DLG1: variants seen among roughly 807,000 people sequenced by gnomAD.
DLG1 encodes discs large MAGUK scaffold protein 1.
In DLG1, 42 loss-of-function variants were observed where a neutral mutation model predicts 123.4. The observed-to-expected ratio is 0.34, with a 90% confidence interval of 0.27 to 0.44. DLG1 has a LOEUF of 0.44. Ranked by LOEUF, DLG1 falls within the 20% of genes least tolerant of loss-of-function variation. The pLI is 1.00. For missense variants in DLG1, 942 were observed against 1,082.6 expected (o/e 0.87, Z 1.82); for synonymous variants, 317 against 356.2 (o/e 0.89, Z 1.24).
At chr3:197,235,554 G>A (rs1745537938) in intron 4 of DLG1, among the ~76,000 whole-genome samples, 1 of 152,202 alleles carries the variant, frequency 6.6e-6, no homozygotes, top group Admixed American at 6.5e-5. Flanking sequence ...TCAAGCCTTA[G>A]CATTAAGGCT....
At chr3:197,230,635 T>C (rs1258557461) in intron 4 of DLG1, among the ~76,000 whole-genome samples, 1 of 152,206 alleles carries the variant, frequency 6.6e-6, no homozygotes. Flanking sequence ...AATTCCTAGA[T>C]GATTTTGACA....
At chr3:197,249,446 C>T (rs949221437) in intron 4 of DLG1, among the ~76,000 whole-genome samples, 5 of 150,568 alleles carry the variant, frequency 3.3e-5, no homozygotes, top group African/African-American at 1.2e-4. Context: ...AAAAATAAAA[C>T]AAAAAATTAA....
chr3:197,214,788 G>A (rs191568751), intron 4 of DLG1, among the ~76,000 whole-genome samples: 2 of 152,228 alleles, frequency 1.3e-5, no homozygotes, highest in Non-Finnish European at 2.9e-5. Flanking sequence ...AAAGAAAAAT[G>A]AGCAAGACAC....
At chr3:197,188,336 A>G (rs906953161) in intron 5 of DLG1, among the ~76,000 whole-genome samples, 1 of 152,164 alleles carries the variant, frequency 6.6e-6, no homozygotes, top group African/African-American at 2.4e-5. Flanking sequence ...AGAAAACTCC[A>G]AGAATTTAAT....
At chr3:197,191,095 T>G (rs1258557864) in intron 5 of DLG1, among the ~76,000 whole-genome samples, 1 of 152,166 alleles carries the variant, frequency 6.6e-6, no homozygotes, top group East Asian at 1.9e-4. Flanking sequence ...CCAATTATAA[T>G]GAAGTAGGTT....
At chr3:197,211,903 TG>T (rs1731433973) in intron 4 of DLG1, among the ~76,000 whole-genome samples, 1 of 146,708 alleles carries the variant, frequency 6.8e-6, no homozygotes, top group African/African-American at 2.4e-5. Flanking sequence ...TGGGATACCA[TG>T]CAGCCCTGAA....
chr3:197,251,950 T>G (rs1754645893), intron 4 of DLG1, among the ~76,000 whole-genome samples: 1 of 152,340 alleles, frequency 6.6e-6, no homozygotes, highest in African/African-American at 2.4e-5. Context: ...CACTAATTGT[T>G]AGAAGATCTT....
intron 13 of DLG1, among the ~76,000 whole-genome samples, chr3:197,112,782 G>A (rs1298534758): frequency 6.6e-6 from 1 of 151,968 alleles, no homozygotes; most frequent in Admixed American, 6.6e-5. Flanking sequence ...TTTTTTTAAA[G>A]ATGGGGTCTT....
chr3:197,223,712 T>A (rs1244350534), intron 4 of DLG1, among the ~76,000 whole-genome samples: 1 of 152,234 alleles, frequency 6.6e-6, no homozygotes, highest in African/African-American at 2.4e-5. Context: ...AAGATGTGTT[T>A]ACCCTTATTG....
At chr3:197,295,993 C>T (rs1041232182) in intron 3 of DLG1, among the ~76,000 whole-genome samples, 1 of 152,214 alleles carries the variant, frequency 6.6e-6, no homozygotes, top group Non-Finnish European at 1.5e-5. Flanking sequence ...GAACCCTTCA[C>T]ACGCTTTCAA....
chr3:197,061,992 A>G (rs747599607), intron 22 of DLG1, among the ~76,000 whole-genome samples: 1 of 152,120 alleles, frequency 6.6e-6, no homozygotes, highest in Non-Finnish European at 1.5e-5. Flanking sequence ...AATTACCACC[A>G]TGCGGTTTTC....
At chr3:197,117,538 G>C (rs1773975368) in intron 12 of DLG1, among the ~76,000 whole-genome samples, 1 of 152,156 alleles carries the variant, frequency 6.6e-6, no homozygotes, top group South Asian at 2.1e-4. Context: ...ACAAATGAGT[G>C]TATCTTGACA....
chr3:197,146,089 T>C (rs1266380954), intron 6 of DLG1, among the ~76,000 whole-genome samples: 3 of 151,854 alleles, frequency 2.0e-5, no homozygotes, highest in African/African-American at 7.2e-5. Context: ...CTTAAGAATA[T>C]ACTTAACCAA....
intron 5 of DLG1, among the ~76,000 whole-genome samples, chr3:197,152,312 T>A (rs1284247045): frequency 6.6e-6 from 1 of 152,140 alleles, no homozygotes; most frequent in Non-Finnish European, 1.5e-5. Flanking sequence ...TTTTTCTTCA[T>A]CTGAAATAAT....
intron 5 of DLG1, among the ~76,000 whole-genome samples, chr3:197,183,035 AAC>A (rs1264371103): frequency 6.6e-6 from 1 of 152,190 alleles, no homozygotes; most frequent in Admixed American, 6.5e-5. Context: ...ATTTACAAAA[AAC>A]GATTCATTAA....
At chr3:197,198,474 G>A (rs191311244) in intron 4 of DLG1, among the ~76,000 whole-genome samples, 26 of 123,962 alleles carry the variant, frequency 2.1e-4, no homozygotes, top group East Asian at 5.4e-4. Flanking sequence ...GTGACACAGC[G>A]AGACTCAGTC....
At chr3:197,076,480 C>T in intron 18 of DLG1, 106 bp downstream of exon 18, 1 of 752,536 alleles carries the variant, frequency 1.3e-6, no homozygotes, top group Non-Finnish European at 2.1e-6. Flanking sequence ...AGACAATTAG[C>T]AACCTGCTGC....
chr3:197,248,780 C>T (rs1199435815), intron 4 of DLG1, among the ~76,000 whole-genome samples: 2 of 152,176 alleles, frequency 1.3e-5, no homozygotes, highest in Non-Finnish European at 1.5e-5. Context: ...GGGTCGGCTA[C>T]AAGCTTGGTG....
chr3:197,140,630 C>G (rs1787481648), intron 7 of DLG1, among the ~76,000 whole-genome samples: 1 of 152,176 alleles, frequency 6.6e-6, no homozygotes, highest in Non-Finnish European at 1.5e-5. Context: ...CACATCTCTC[C>G]TAAGAGACAA....
Sources: allele counts gnomAD v4.1 joint callset (sites outside exome capture counted in the v4.1 genomes callset), GRCh38; gene constraint gnomAD v4.1.1; transcripts MANE v1.5; gene names NCBI Gene and HGNC (gene_info 2026-07-23, HGNC 2026-07-21).